Variants in TRMT9B observed in about 807,000 individuals in gnomAD.
The protein encoded by TRMT9B is tRNA methyltransferase 9B (putative), also known as probable tRNA methyltransferase 9B.
A neutral mutation model predicts 11.5 loss-of-function variants in TRMT9B; 16 were observed. The ratio of observed to expected loss-of-function variants is 1.39; its 90% CI spans 0.94 to 2.11. TRMT9B has a LOEUF of 2.11. Ranked by LOEUF, TRMT9B falls within the 30% of genes most tolerant of loss-of-function variation. TRMT9B has a pLI of 0.00. For missense variants in TRMT9B, 941 were observed against 553.8 expected (o/e 1.70, Z -7.02); for synonymous variants, 274 against 192.4 (o/e 1.42, Z -3.51).
chr8:13,009,881 C>T (rs560881554), intron 3 of TRMT9B, among the ~76,000 whole-genome samples: 1 of 152,144 alleles, frequency 6.6e-6, no homozygotes, highest in East Asian at 1.9e-4. Context: ...GTAATCCTAG[C>T]ACTTTGGGAG....
chr8:12,998,296 C>G lies in TRMT9B; in HGVS notation c.-2+7265C>G, dbSNP rs754982855. Reference sequence around the variant, plus strand: ...CCTTTGTAAGAAATTTTAACTTACTCCAAGGTCATGAGGATGTTCTGTATT... The same window carrying G: ...CCTTTGTAAGAAATTTTAACTTACTGCAAGGTCATGAGGATGTTCTGTATT... On this transcript the variant is annotated intron_variant, in intron 2 of 4. Transcript: ENST00000524591. Among the ~76,000 whole-genome samples, 60 of 152,244 alleles carry G rather than the reference C, an allele frequency of 3.9e-4. No individual in the cohort carries two copies. In the Middle Eastern group the frequency reaches 0.017, roughly 43 times the overall value.
chr8:13,006,507 C>A (rs1198440497), intron 3 of TRMT9B, 151 bp downstream of exon 3: 28 of 1,476,220 alleles, frequency 1.9e-5, no homozygotes, highest in Non-Finnish European at 2.5e-5. Context: ...CATGAAATAC[C>A]TTCCATTGAG....
chr8:12,981,755 A>G (rs900120689), intron 1 of TRMT9B, among the ~76,000 whole-genome samples: 2 of 151,888 alleles, frequency 1.3e-5, no homozygotes, highest in African/African-American at 4.8e-5. Flanking sequence ...ATGCACCACC[A>G]CACCCGGCTA....
intron 2 of TRMT9B, among the ~76,000 whole-genome samples, chr8:12,996,089 G>A (rs551174015): frequency 9.3e-4 from 141 of 152,312 alleles, no homozygotes; most frequent in Middle Eastern, 3.4e-3. Context: ...TGAGGATCAT[G>A]TAGCCTCCTT....
At chr8:12,989,647 A>G (rs1806978651) in intron 1 of TRMT9B, among the ~76,000 whole-genome samples, 1 of 152,194 alleles carries the variant, frequency 6.6e-6, no homozygotes, top group Admixed American at 6.5e-5. Context: ...AGACAACCAC[A>G]TTGTCTGATG....
At chr8:12,959,516 C>CTCTTTTT (rs757156112) in intron 1 of TRMT9B, among the ~76,000 whole-genome samples, 9 of 74,932 alleles carry the variant, frequency 1.2e-4, no homozygotes, top group African/African-American at 4.5e-4. Context: ...TTTTTCCTTC[C>CTCTTTTT]TTTTTTTTTT....
Position 13,003,627 on chromosome 8 carries a change from C to T in TRMT9B, c.-1-2575C>T, listed in dbSNP as rs548291167. On this transcript the variant is annotated intron_variant, in intron 2 of 4. Transcript: ENST00000524591. ...CTTAAGAGGTCTGGTGAGGCCAGAT[C>T]GGAAAGAGCCTTATGTGCCCGCCTA... Among the ~76,000 whole-genome samples the T allele has an allele frequency of 3.6e-3, 543 of 151,778 alleles. 6 individuals are homozygous for T. The highest frequency in any genetic ancestry group is 0.012 in the African/African-American group (497 of 41,414).
In TRMT9B at chr8:13,028,936, C is replaced by G. The variant is rs563377437; in HGVS notation, c.*6892C>G. ...ACAAAACGCTGGCAATACATTAAGG[C>G]TCACTAATGTGGACCTAAGTGAGTA... On this transcript the variant is annotated 3_prime_UTR_variant, in exon 5 of 5. Coordinates refer to ENST00000524591, the MANE Select transcript of TRMT9B (RefSeq NM_020844.3). The G allele has an allele frequency of 6.0e-6, 1 of 166,990 alleles. No homozygotes were observed. Among genetic ancestry groups the G allele is most frequent in the Non-Finnish European group, 1.5e-5 (1 of 68,130 alleles). The allele number at this position is 166,990 out of a possible 1,614,324, so 10.3% of individuals were successfully genotyped here.
intron 2 of TRMT9B, among the ~76,000 whole-genome samples, chr8:13,003,054 G>T (rs1809760582): frequency 6.6e-6 from 1 of 152,140 alleles, no homozygotes; most frequent in Non-Finnish European, 1.5e-5. Flanking sequence ...CTGGGGGTCT[G>T]CTGTGTCCTA....
intron 2 of TRMT9B, among the ~76,000 whole-genome samples, chr8:12,997,055 A>G (rs1808489096): frequency 6.7e-6 from 1 of 149,502 alleles, no homozygotes; most frequent in Non-Finnish European, 1.5e-5. Flanking sequence ...TGTACTTTCC[A>G]TAAACGGAAT....
At chr8:12,956,460 G>A (rs1454906149) in intron 1 of TRMT9B, among the ~76,000 whole-genome samples, 6 of 152,282 alleles carry the variant, frequency 3.9e-5, no homozygotes, top group Admixed American at 1.3e-4. Context: ...ATTACCAAGC[G>A]CCTGCCTCTG....
At chr8:12,966,412 T>C (rs1802832410) in intron 1 of TRMT9B, among the ~76,000 whole-genome samples, 2 of 152,160 alleles carry the variant, frequency 1.3e-5, no homozygotes, top group South Asian at 4.2e-4. Flanking sequence ...TGATAACCCC[T>C]ATGTTATCAA....
intron 3 of TRMT9B, chr8:13,010,767 G>A (rs543258555): frequency 3.1e-6 from 3 of 983,460 alleles, no homozygotes; most frequent in South Asian, 4.7e-5. Context: ...TGAATTGCAA[G>A]GTTATTTTTC....
chr8:12,971,924 C>A (rs11203989), intron 1 of TRMT9B, among the ~76,000 whole-genome samples: 1 of 151,876 alleles, frequency 6.6e-6, no homozygotes, highest in Non-Finnish European at 1.5e-5. Flanking sequence ...CCAAAAAAAA[C>A]CCTAATTTCA....
At chr8:12,959,350 A>G (rs1801738127) in intron 1 of TRMT9B, among the ~76,000 whole-genome samples, 1 of 152,138 alleles carries the variant, frequency 6.6e-6, no homozygotes, top group South Asian at 2.1e-4. Context: ...TCATGCGTAC[A>G]ATTATTTCAA....
At chr8:12,988,958 T>C (rs556017162) in intron 1 of TRMT9B, among the ~76,000 whole-genome samples, 1 of 152,332 alleles carries the variant, frequency 6.6e-6, no homozygotes, top group Admixed American at 6.5e-5. Context: ...AGATATTAAA[T>C]TCTGGGGTCC....
chr8:12,958,847 G>T (rs1056518814), intron 1 of TRMT9B: 1 of 152,170 alleles, frequency 6.6e-6, no homozygotes, highest in Non-Finnish European at 1.5e-5. Context: ...CACAAAGTCA[G>T]AAAACCAGAC....
chr8:12,993,174 G>C (rs1177774632), intron 2 of TRMT9B, among the ~76,000 whole-genome samples: 1 of 152,240 alleles, frequency 6.6e-6, no homozygotes, highest in Non-Finnish European at 1.5e-5. Flanking sequence ...GACCAGGTCA[G>C]GGAGGGTTTT....
At position 13,024,033 on chromosome 8, in the gene TRMT9B, T is replaced by C. The variant is rs1247919147; in HGVS notation, c.*1989T>C. The C allele has an allele frequency of 2.2e-5, 3 of 135,306 alleles. No individual in the cohort carries two copies. Among genetic ancestry groups the C allele is most frequent in the East Asian group, 4.9e-4 (2 of 4,056 alleles). The allele number at this position is 135,306 out of a possible 1,614,324, so 8.4% of individuals were successfully genotyped here. A position where few individuals can be genotyped will look rare whatever the true frequency, so the allele number is the denominator to read the frequency against. ...ATAAATTAAAAATTAATTTGGTTTC[T>C]TCTATTTCTTTTTTTTTTTTTTTTT... On this transcript the variant is annotated 3_prime_UTR_variant, in exon 5 of 5. Transcript: ENST00000524591.
Sources: allele counts gnomAD v4.1 joint callset (sites outside exome capture counted in the v4.1 genomes callset), GRCh38; gene constraint gnomAD v4.1.1; transcripts MANE v1.5; gene names NCBI Gene and HGNC (gene_info 2026-07-23, HGNC 2026-07-21).